The following ALKBH1 variants were observed in gnomAD, a reference collection of about 807,000 sequenced individuals.
The protein encoded by ALKBH1 is alkB homolog 1, histone H2A dioxygenase, also known as nucleic acid dioxygenase ALKBH1.
ALKBH1 carries 31 observed loss-of-function variants against 36.6 expected under a neutral mutation model. The ratio of observed to expected loss-of-function variants is 0.85; its 90% confidence interval spans 0.64 to 1.14. ALKBH1 has a LOEUF of 1.14. Ranked by LOEUF, ALKBH1 falls within the 50% of genes most tolerant of loss-of-function variation. ALKBH1 has a pLI of 0.00. For synonymous variants in ALKBH1, 183 were observed against 186.6 expected (o/e 0.98, Z 0.16); for missense variants, 490 against 497.3 (o/e 0.99, Z 0.14).
Position 77,679,328 on chromosome 14 carries a change from A to C in ALKBH1, c.546+552T>G, listed in dbSNP as rs142337721. Reference sequence around the variant, plus strand: ...AATAATGGAAATAAAGATGGTGAGAACTGCTCTTGAAAAGAGTTCTATATT... The same window carrying C: ...AATAATGGAAATAAAGATGGTGAGACCTGCTCTTGAAAAGAGTTCTATATT... On this transcript the variant is annotated intron_variant, in intron 4 of 5. Transcript: ENST00000216489. Among the ~76,000 whole-genome samples, 10 of 152,356 alleles carry C rather than the reference A, an allele frequency of 6.6e-5. No homozygotes were observed. The East Asian group carries it at 1.7e-3, about 26-fold the overall frequency.
At chr14:77,693,948 C>T (rs2080312552) in intron 3 of ALKBH1, among the ~76,000 whole-genome samples, 1 of 152,156 alleles carries the variant, frequency 6.6e-6, no homozygotes, top group South Asian at 2.1e-4. Flanking sequence ...GATCGCGCCA[C>T]TGCACTCCAG....
At position 77,673,626 on chromosome 14, in the gene ALKBH1, A is replaced by C; in HGVS notation, c.*186T>G. 3 of 618,492 alleles carry C rather than the reference A, an allele frequency of 4.9e-6. No homozygotes were observed. Among genetic ancestry groups the C allele is most frequent in the Non-Finnish European group, 8.5e-6 (3 of 354,716 alleles). The allele number at this position is 618,492 out of a possible 1,614,324, so 38.3% of individuals were successfully genotyped here. On this transcript the variant is annotated 3_prime_UTR_variant, in exon 6 of 6. Transcript: ENST00000216489. The stretch of plus-strand genomic sequence containing the variant: ...TAACTAGGAACAGACCATGTCAAAC[A>C]CTTCTCTGAGCAAAGTGGCTGAGTT...
chr14:77,695,629 C>A (rs2080322636), intron 2 of ALKBH1, among the ~76,000 whole-genome samples: 1 of 152,210 alleles, frequency 6.6e-6, no homozygotes. Flanking sequence ...TTCTTCTCAG[C>A]TGCAGGGGTG....
chr14:77,680,496 CTTCT>C (rs1192683734), intron 3 of ALKBH1, among the ~76,000 whole-genome samples: 1 of 152,010 alleles, frequency 6.6e-6, no homozygotes, highest in African/African-American at 2.4e-5. Context: ...TTTAACATGA[CTTCT>C]TTAACTCTGT....
chr14:77,675,539 TTA>T (rs2080200461), intron 5 of ALKBH1, 115 bp downstream of exon 5: 2 of 815,452 alleles, frequency 2.5e-6, no homozygotes, highest in Non-Finnish European at 3.7e-6. Context: ...AAGTGGAAGA[TTA>T]TAGAGTCCAA....
At chr14:77,684,611 T>C (rs1303518748) in intron 3 of ALKBH1, among the ~76,000 whole-genome samples, 1 of 152,216 alleles carries the variant, frequency 6.6e-6, no homozygotes. Context: ...TCCACCTGCC[T>C]CAGCCTCCTA....
At position 77,675,750 on chromosome 14, in the gene ALKBH1, C is replaced by G; in HGVS notation, c.646G>C (p.Ala216Pro). 1.2e-6 allele frequency: 2 copies of G among 1,614,146 alleles called. No individual in the cohort carries two copies. Among genetic ancestry groups the G allele is most frequent in the Non-Finnish European group, 1.7e-6 (2 of 1,180,028 alleles). ...AGGCGGTAGTAATTCAGGATCCCTG[C>G]TTCAGCTCGGAAATCCTCAAATCCA... ...ACGFEDFRAEAGILNYYRLDS... is the reference protein window; with the variant it reads ...ACGFEDFRAEPGILNYYRLDS... The change falls in exon 5 of 6, where the codon GCA becomes CCA. Residue 216 changes from alanine to proline, a missense_variant. Ala to Pro is a conservative substitution (Grantham distance 27, BLOSUM62 -1). Transcript: ENST00000216489.
chr14:77,684,998 A>G (rs772020901), intron 3 of ALKBH1, among the ~76,000 whole-genome samples: 1 of 152,256 alleles, frequency 6.6e-6, no homozygotes, highest in Non-Finnish European at 1.5e-5. Flanking sequence ...CCACCAAAAG[A>G]TTTAGTCTAA....
Position 77,675,706 on chromosome 14 carries a change from G to A in ALKBH1, c.690C>T (p.Ile230=). The change falls in exon 5 of 6, where the codon ATC becomes ATT. Residue 230 remains isoleucine (I), a synonymous_variant. Transcript: ENST00000216489. ...GATCTAGCTCAGATCTGTCTACGTG[G>A]ATTCCCAGTGTGGAGTCCAGGCGGT... ...NYYRLDSTLG[I]HVDRSELDHS... is the part of the protein sequence containing the mutation. 1 of 1,614,168 alleles carries A rather than the reference G, an allele frequency of 6.2e-7. No homozygotes were observed. The highest frequency in any genetic ancestry group is 1.3e-5 in the African/African-American group (1 of 75,042).
chr14:77,704,477 C>T lies in ALKBH1; in HGVS notation c.184G>A (p.Val62Met), dbSNP rs769541472. 4.0e-5 allele frequency: 65 copies of T among 1,612,922 alleles called. No homozygotes were observed. The highest frequency in any genetic ancestry group is 4.7e-5 in the Non-Finnish European group (55 of 1,179,094). ...ARGKGPGAQK[V>M]IKSQLNVSSV... Reference sequence around the variant, plus strand: ...GACACATTTAGCTGAGATTTGATCACCTGGCAGGAAGGAAACAGAAGTTAA... The same window carrying T: ...GACACATTTAGCTGAGATTTGATCATCTGGCAGGAAGGAAACAGAAGTTAA... Residue 62 changes from valine to methionine, a missense_variant and splice_region_variant, in exon 2 of 6, where the codon GTG becomes ATG. By Grantham distance (21) the Val-to-Met change is conservative. Coordinates refer to ENST00000216489, the MANE Select transcript of ALKBH1 (RefSeq NM_006020.3).
At chr14:77,688,553 CTTT>C (rs11395756) in intron 3 of ALKBH1, among the ~76,000 whole-genome samples, 20,654 of 125,686 alleles carry the variant, frequency 0.16, 1,558 homozygotes, top group East Asian at 0.27. Flanking sequence ...TGCACCCAGC[CTTT>C]TTTTTTTTTT....
intron 3 of ALKBH1, among the ~76,000 whole-genome samples, chr14:77,681,152 T>C (rs976262117): frequency 5.3e-5 from 8 of 152,134 alleles, no homozygotes; most frequent in African/African-American, 1.9e-4. Flanking sequence ...CAGATTCCTT[T>C]AAGGAATCTG....
At chr14:77,696,134 C>T (rs1277098240) in intron 2 of ALKBH1, among the ~76,000 whole-genome samples, 2 of 152,146 alleles carry the variant, frequency 1.3e-5, no homozygotes, top group Non-Finnish European at 2.9e-5. Context: ...GAATCCTACG[C>T]ATGGTAAAGA....
At chr14:77,695,593 T>G (rs1309084092) in intron 2 of ALKBH1, among the ~76,000 whole-genome samples, 5 of 152,192 alleles carry the variant, frequency 3.3e-5, no homozygotes, top group African/African-American at 1.2e-4. Flanking sequence ...AGCTTCTCAA[T>G]GTAGTAATCC....
intron 4 of ALKBH1, among the ~76,000 whole-genome samples, chr14:77,677,200 T>C (rs2080211102): frequency 6.6e-6 from 1 of 152,106 alleles, no homozygotes; most frequent in Non-Finnish European, 1.5e-5. Flanking sequence ...CCACCATGCC[T>C]GGCTAATTTT....
At chr14:77,680,003 C>G (rs1209747095) in intron 3 of ALKBH1, 33 bp from the exon 4 acceptor site, 1 of 1,562,120 alleles carries the variant, frequency 6.4e-7, no homozygotes, top group Non-Finnish European at 8.8e-7. Flanking sequence ...AGGAATTATT[C>G]ATGTAAAATG....
chr14:77,687,553 CCTCA>C (rs531731599), intron 3 of ALKBH1, among the ~76,000 whole-genome samples: 299 of 152,010 alleles, frequency 2.0e-3, no homozygotes, highest in Admixed American at 3.3e-3. Context: ...CATTTGCCTT[CCTCA>C]CTCTCTCCCC....
At chr14:77,701,034 G>A (rs564663952) in intron 2 of ALKBH1, among the ~76,000 whole-genome samples, 1 of 152,188 alleles carries the variant, frequency 6.6e-6, no homozygotes, top group Non-Finnish European at 1.5e-5. Flanking sequence ...GGTCAGGGCT[G>A]CAGTGAAGCG....
At chr14:77,683,284 G>A (rs1162063257) in intron 3 of ALKBH1, 3 of 767,638 alleles carry the variant, frequency 3.9e-6, no homozygotes, top group Admixed American at 1.8e-5. Context: ...TTCTCTGGGT[G>A]GGGCAGGCTG....
Sources: allele counts gnomAD v4.1 joint callset (sites outside exome capture counted in the v4.1 genomes callset), GRCh38; gene constraint gnomAD v4.1.1; transcripts MANE v1.5; gene names NCBI Gene and HGNC (gene_info 2026-07-23, HGNC 2026-07-21).